The following SMG7 variants were observed in gnomAD, a reference collection of about 807,000 sequenced individuals.
The protein encoded by SMG7 is nonsense-mediated mRNA decay factor SMG7.
A neutral mutation model predicts 148.2 loss-of-function variants in SMG7; 34 were observed. That is an observed-to-expected ratio of 0.23 (90% CI 0.17 to 0.31). SMG7 has a LOEUF of 0.31. Among genes scored for constraint, SMG7 ranks in the 10% least tolerant of loss-of-function variants. The pLI is 1.00. For synonymous variants in SMG7, 492 were observed against 515.1 expected, an observed-to-expected ratio of 0.96 and a Z score of 0.61; for missense variants, 1,114 against 1,408.4, an observed-to-expected ratio of 0.79 and a Z score of 3.35.
chr1:183,542,543 C>T, intron 14 of SMG7, 41 bp downstream of exon 14: 1 of 1,528,198 alleles, frequency 6.5e-7, no homozygotes, highest in Non-Finnish European at 8.9e-7. Flanking sequence ...GAGGAAGGCT[C>T]ACACAAAAGG....
At chr1:183,528,707 A>G (rs1666338233) in intron 6 of SMG7, among the ~76,000 whole-genome samples, 185 bp from the exon 7 acceptor site, 1 of 152,194 alleles carries the variant, frequency 6.6e-6, no homozygotes, top group Non-Finnish European at 1.5e-5. Flanking sequence ...TAACCTGTAT[A>G]TGATAGTGTG....
intron 1 of SMG7, among the ~76,000 whole-genome samples, chr1:183,499,652 T>A (rs1393470852): frequency 3.3e-5 from 5 of 152,206 alleles, no homozygotes; most frequent in Non-Finnish European, 5.9e-5. Context: ...ATGAAATGCG[T>A]GTTTTATCTT....
rs545582200 is a variant in SMG7, at chr1:183,494,032, G to C, written c.30-18805G>C. Among the ~76,000 whole-genome samples the C allele has an allele frequency of 9.4e-4, 143 of 152,096 alleles. 3 individuals carry two copies. Among genetic ancestry groups the C allele is most frequent in the Middle Eastern group, 3.4e-3 (1 of 294 alleles). On this transcript the variant is annotated intron_variant, in intron 1 of 22. Transcript: ENST00000688051. Reference sequence around the variant, plus strand: ...AAACAGGGTCTTGCTCTGTTGCCCAGGCTGCAGTGCAGTGACACCATCATG... The same window carrying C: ...AAACAGGGTCTTGCTCTGTTGCCCACGCTGCAGTGCAGTGACACCATCATG...
In SMG7 at chr1:183,529,379, T is replaced by C; in HGVS notation, c.708-19T>C. On this transcript the variant is annotated intron_variant, in intron 7 of 22. Transcript: ENST00000688051. ...AATTTGCTGCTTATGATTCATGGAATTTTTTTCTTTCATTTCAGCCGAGAT... is the reference window on the plus strand; with the variant it reads ...AATTTGCTGCTTATGATTCATGGAACTTTTTTCTTTCATTTCAGCCGAGAT... The C allele has an allele frequency of 1.9e-6, 3 of 1,605,006 alleles. No homozygotes were observed. The highest frequency in any genetic ancestry group is 4.5e-5 in the East Asian group (2 of 44,812).
chr1:183,512,487 G>GT (rs1160726511), intron 1 of SMG7, among the ~76,000 whole-genome samples: 4 of 151,994 alleles, frequency 2.6e-5, no homozygotes, highest in African/African-American at 7.3e-5. Flanking sequence ...AACATAGTAG[G>GT]TTTTTTTGGC....
chr1:183,500,104 T>C (rs959272632), intron 1 of SMG7, among the ~76,000 whole-genome samples: 3 of 152,188 alleles, frequency 2.0e-5, no homozygotes, highest in Non-Finnish European at 4.4e-5. Flanking sequence ...TGAGGGGAAA[T>C]AGCTTTCCTG....
At position 183,517,700 on chromosome 1, in the gene SMG7, C is replaced by G. The variant is rs1396999903; in HGVS notation, c.192C>G (p.Ala64=). ...KKVEQDLWNH[A]FKNQITTLQG... ...ATTTTGTTTTCAGCTGGAATCACGC[C>G]TTTAAGAATCAGATCACAACACTGC... Residue 64 remains alanine (A), a synonymous_variant, in exon 4 of 23, where the codon GCC becomes GCG. Coordinates refer to ENST00000688051, the MANE Select transcript of SMG7 (RefSeq NM_001375584.1). 1 of 1,613,920 alleles carries G rather than the reference C, an allele frequency of 6.2e-7. No individual in the cohort carries two copies. The highest frequency in any genetic ancestry group is 1.3e-5 in the African/African-American group (1 of 74,908).
At chr1:183,508,149 A>G in intron 1 of SMG7, 3 of 975,922 alleles carry the variant, frequency 3.1e-6, no homozygotes, top group Non-Finnish European at 3.7e-6. Flanking sequence ...TAATTCATTG[A>G]TGGTTTTTAT....
At chr1:183,505,655 A>C (rs952064107) in intron 1 of SMG7, among the ~76,000 whole-genome samples, 4 of 152,180 alleles carry the variant, frequency 2.6e-5, no homozygotes, top group African/African-American at 9.7e-5. Flanking sequence ...AATTGAACGC[A>C]TTTTTAGTGA....
At chr1:183,502,543 T>C (rs974352493) in intron 1 of SMG7, among the ~76,000 whole-genome samples, 2 of 152,206 alleles carry the variant, frequency 1.3e-5, no homozygotes, top group South Asian at 2.1e-4. Context: ...AGTTTTATTA[T>C]TTATGTGACT....
intron 12 of SMG7, 103 bp from the exon 13 acceptor site, chr1:183,540,881 G>T: frequency 9.9e-7 from 1 of 1,011,638 alleles, no homozygotes. Context: ...TAACCTATGT[G>T]GGAAGTAATC....
chr1:183,533,410 A>G, intron 9 of SMG7, 84 bp downstream of exon 9: 1 of 1,392,096 alleles, frequency 7.2e-7, no homozygotes, highest in Non-Finnish European at 9.9e-7. Context: ...AAGCACAGTG[A>G]CATAAAAAAG....
chr1:183,474,582 A>G (rs1417861150), intron 1 of SMG7, among the ~76,000 whole-genome samples: 1 of 152,242 alleles, frequency 6.6e-6, no homozygotes, highest in Admixed American at 6.5e-5. Context: ...AAGTAAATAC[A>G]TAAATAAAAA....
intron 1 of SMG7, among the ~76,000 whole-genome samples, chr1:183,485,510 A>AT (rs1439676452): frequency 2.0e-5 from 3 of 152,108 alleles, no homozygotes; most frequent in Non-Finnish European, 2.9e-5. Context: ...TTCCTCCCTT[A>AT]TTATAGCTGT....
chr1:183,485,251 GATTTTATTTTT>G (rs1241171676), intron 1 of SMG7, among the ~76,000 whole-genome samples: 4 of 152,074 alleles, frequency 2.6e-5, no homozygotes, highest in Non-Finnish European at 5.9e-5. Flanking sequence ...AGGATTGTAT[GATTTTATTTTT>G]ATTTTATTTT....
rs1224170251 is a variant in SMG7, at chr1:183,513,369, CTTT to C, written c.61+519_61+521del. ...TTTCTTTTCTCCCATATCTTTGTTA[CTTT>C]TTTTTTTTTTTTTTTTTGAGATGGA... is the stretch of plus-strand genomic sequence containing the variant. On this transcript the variant is annotated intron_variant, in intron 2 of 22. Coordinates refer to ENST00000688051, the MANE Select transcript of SMG7 (RefSeq NM_001375584.1). 11 of 122,712 alleles carry C rather than the reference CTTT, an allele frequency of 9.0e-5. No homozygotes were observed. The East Asian group carries it at 9.1e-4, about 10-fold the overall frequency. 7.6% of individuals were successfully genotyped at this position (122,712 alleles called of 1,614,324 possible). A position where few individuals can be genotyped will look rare whatever the true frequency, so the allele number is the denominator to read the frequency against.
Position 183,511,160 on chromosome 1 carries a change from T to C in SMG7, c.30-1677T>C, listed in dbSNP as rs548922023. On this transcript the variant is annotated intron_variant, in intron 1 of 22. Transcript: ENST00000688051. ...TCTCAAAAAAAAAAAAAATCTCTCT[T>C]AAGTTTATATACCTACCTTCTTAAA... 3.9e-5 allele frequency among the ~76,000 whole-genome samples: 6 copies of C among 152,136 alleles called. No individual in the cohort carries two copies. In the South Asian group the frequency reaches 1.0e-3, roughly 26 times the overall value.
chr1:183,533,960 G>A (rs1421790747), intron 10 of SMG7, 128 bp downstream of exon 10: 1 of 703,478 alleles, frequency 1.4e-6, no homozygotes, highest in African/African-American at 1.8e-5. Context: ...CCGACTCTCG[G>A]GAATTGAACT....
chr1:183,480,802 C>A (rs1391850233), intron 1 of SMG7, among the ~76,000 whole-genome samples: 1 of 152,172 alleles, frequency 6.6e-6, no homozygotes, highest in East Asian at 1.9e-4. Flanking sequence ...ATTCTTCCTA[C>A]TGTTACCTTA....
Sources: gnomAD v4.1 joint callset for allele counts (sites outside exome capture counted in the v4.1 genomes callset) on GRCh38, gnomAD v4.1.1 for gene constraint, MANE v1.5 for transcripts, NCBI Gene and HGNC (gene_info 2026-07-23, HGNC 2026-07-21) for gene names.